The following FSD2 variants were observed in gnomAD, a reference collection of about 807,000 sequenced individuals.
The protein encoded by FSD2 is fibronectin type III and SPRY domain containing 2, also known as fibronectin type III and SPRY domain-containing protein 2.
A neutral mutation model predicts 80.4 loss-of-function variants in FSD2; 71 were observed. The ratio of observed to expected loss-of-function variants is 0.88; its 90% CI spans 0.73 to 1.08. The LOEUF is 1.08. Among genes scored for constraint, FSD2 ranks in the 50% least tolerant of loss-of-function variants. The probability of loss-of-function intolerance (pLI) is 0.00; values close to 1 mark genes in which losing one functional copy is unlikely to be tolerated. For synonymous variants in FSD2, 361 were observed against 329.5 expected (o/e 1.10, Z -1.03); for missense variants, 923 against 913.8 (o/e 1.01, Z -0.13).
At chr15:82,782,687 C>T (rs956638766) in intron 4 of FSD2, 108 bp downstream of exon 4, 3 of 901,916 alleles carry the variant, frequency 3.3e-6, no homozygotes, top group African/African-American at 3.3e-5. Context: ...CCAATGCCTC[C>T]AGGAGGAAAG....
At chr15:82,782,412 C>CCAAAA (rs1301995274) in intron 4 of FSD2, among the ~76,000 whole-genome samples, 4 of 151,998 alleles carry the variant, frequency 2.6e-5, no homozygotes, top group Non-Finnish European at 5.9e-5. Context: ...AAAAACCAAA[C>CCAAAA]CAAAACAAAA....
chr15:82,799,366 T>C (rs1259270771), intron 1 of FSD2, among the ~76,000 whole-genome samples: 1 of 152,116 alleles, frequency 6.6e-6, no homozygotes, highest in Non-Finnish European at 1.5e-5. Context: ...GTTCCTCCCC[T>C]TGGCTGCTCT....
intron 7 of FSD2, among the ~76,000 whole-genome samples, chr15:82,771,033 T>C (rs944612387): frequency 6.6e-6 from 1 of 152,130 alleles, no homozygotes; most frequent in African/African-American, 2.4e-5. Context: ...ATGTCCTCTT[T>C]AGTCCTTATT....
At chr15:82,774,746 G>T (rs1433835284) in intron 6 of FSD2, among the ~76,000 whole-genome samples, 1 of 149,978 alleles carries the variant, frequency 6.7e-6, no homozygotes, top group African/African-American at 2.5e-5. Flanking sequence ...TTTTTGAGAC[G>T]GAGTCTCGCT....
At position 82,790,927 on chromosome 15, in the gene FSD2, G is replaced by T. The variant is rs117306472; in HGVS notation, c.-78-3459C>A. On this transcript the variant is annotated intron_variant, in intron 1 of 12. Transcript: ENST00000334574. ...TCTTTTTTGTAACAGTTTTATCGAG[G>T]TATAATTCATATACCATACAATTCA... 6.3e-3 allele frequency among the ~76,000 whole-genome samples: 950 copies of T among 151,610 alleles called. 47 individuals are homozygous for T. The East Asian group carries it at 0.12, about 19-fold the overall frequency.
chr15:82,764,583 A>G (rs1379046825), intron 11 of FSD2, among the ~76,000 whole-genome samples: 2 of 144,592 alleles, frequency 1.4e-5, no homozygotes, highest in Non-Finnish European at 3.0e-5. Flanking sequence ...GGTTCAAGCA[A>G]TTCTTCTGCC....
intron 1 of FSD2, among the ~76,000 whole-genome samples, chr15:82,794,798 T>C (rs1177136321): frequency 2.0e-5 from 3 of 151,604 alleles, no homozygotes; most frequent in Non-Finnish European, 4.4e-5. Context: ...GATCTCGGCT[T>C]ACTGCAAGCT....
intron 1 of FSD2, among the ~76,000 whole-genome samples, chr15:82,798,682 G>A (rs951798322): frequency 3.3e-5 from 5 of 152,034 alleles, no homozygotes; most frequent in African/African-American, 1.2e-4. Flanking sequence ...CCAGCTGTTT[G>A]TCTTCCCTAT....
intron 9 of FSD2, 137 bp from the exon 10 acceptor site, chr15:82,766,168 GC>G: frequency 1.1e-6 from 1 of 950,530 alleles, no homozygotes; most frequent in Non-Finnish European, 1.5e-6. Context: ...CAGCAGCATA[GC>G]CAGGAGTGCT....
chr15:82,760,735 G>GCACGCA (rs1295812185), intron 12 of FSD2, among the ~76,000 whole-genome samples: 1 of 64,648 alleles, frequency 1.5e-5, no homozygotes, highest in Non-Finnish European at 3.0e-5. Context: ...GTGTGTGCGT[G>GCACGCA]CACGCACACA....
chr15:82,772,044 G>T (rs775069321), intron 7 of FSD2, 29 bp downstream of exon 7: 2 of 1,523,522 alleles, frequency 1.3e-6, no homozygotes, highest in African/African-American at 1.4e-5. Context: ...GTTCCCATGA[G>T]CACGGGCATG....
chr15:82,800,697 A>AAAAAAAAAAAG (rs2050391034), intron 1 of FSD2, among the ~76,000 whole-genome samples: 1 of 146,922 alleles, frequency 6.8e-6, no homozygotes, highest in Non-Finnish European at 1.5e-5. Context: ...GTCTCAAAAA[A>AAAAAAAAAAAG]AAAAAAAAAA....
intron 7 of FSD2, among the ~76,000 whole-genome samples, chr15:82,771,396 G>A (rs186060143): frequency 3.2e-4 from 48 of 152,318 alleles, no homozygotes; most frequent in Non-Finnish European, 4.6e-4. Flanking sequence ...ATCTTCACAT[G>A]TTCAGCTGGG....
chr15:82,788,098 A>C (rs2050047806), intron 1 of FSD2, among the ~76,000 whole-genome samples: 1 of 152,158 alleles, frequency 6.6e-6, no homozygotes, highest in Non-Finnish European at 1.5e-5. Context: ...TTAATTGAAA[A>C]AGTGGCATCT....
In FSD2 at chr15:82,790,189, GACAACA is replaced by G. The variant is rs72034718; in HGVS notation, c.-78-2727_-78-2722del. ...AGACTCCGTCTCAAACAACAACAACGACAACAACAACAACAACAACAAACAAACAAA... is the reference window on the plus strand; with the variant it reads ...AGACTCCGTCTCAAACAACAACAACGACAACAACAACAACAAACAAACAAA... On this transcript the variant is annotated intron_variant, in intron 1 of 12. Transcript: ENST00000334574. Among the ~76,000 whole-genome samples the G allele has an allele frequency of 2.1e-3, 320 of 151,512 alleles. 3 individuals carry two copies. In the East Asian group the frequency reaches 0.032, roughly 15 times the overall value.
intron 1 of FSD2, among the ~76,000 whole-genome samples, chr15:82,794,419 G>A (rs368913960): frequency 2.0e-5 from 3 of 152,238 alleles, no homozygotes; most frequent in South Asian, 2.1e-4. Context: ...CTTAGAGAAC[G>A]TTCCATAGGC....
intron 4 of FSD2, among the ~76,000 whole-genome samples, chr15:82,782,165 G>A (rs2049880513): frequency 6.6e-6 from 1 of 151,008 alleles, no homozygotes; most frequent in Non-Finnish European, 1.5e-5. Context: ...GGAGGCCAAG[G>A]TGGGCGGATC....
At chr15:82,800,995 C>T (rs1459735102) in intron 1 of FSD2, among the ~76,000 whole-genome samples, 1 of 152,182 alleles carries the variant, frequency 6.6e-6, no homozygotes. Context: ...AACTCTCCTA[C>T]ACCTGCCCCA....
intron 4 of FSD2, 70 bp from the exon 5 acceptor site, chr15:82,780,337 CTTTT>C: frequency 9.0e-6 from 8 of 887,180 alleles, no homozygotes; most frequent in Admixed American, 3.3e-5. Context: ...TTCTTTCTTT[CTTTT>C]TTTTTTTTTC....
Sources: gnomAD v4.1 joint callset for allele counts (sites outside exome capture counted in the v4.1 genomes callset) on GRCh38, gnomAD v4.1.1 for gene constraint, MANE v1.5 for transcripts, NCBI Gene and HGNC (gene_info 2026-07-23, HGNC 2026-07-21) for gene names.